RBPMS: variants seen among roughly 807,000 people sequenced by gnomAD.
RBPMS encodes the protein RNA binding protein, mRNA processing factor.
RBPMS carries 7 observed loss-of-function variants against 26.8 expected under a neutral mutation model. That is an observed-to-expected ratio of 0.26 (90% CI 0.15 to 0.49). RBPMS has a LOEUF of 0.49. Among genes scored for constraint, RBPMS ranks in the 20% least tolerant of loss-of-function variants. The pLI is 0.98. For synonymous variants in RBPMS, 96 were observed against 93.3 expected, an observed-to-expected ratio of 1.03 and a Z score of -0.17; for missense variants, 186 against 250.0, an observed-to-expected ratio of 0.74 and a Z score of 1.73.
At chr8:30,515,179 C>T (rs536246245) in intron 5 of RBPMS, among the ~76,000 whole-genome samples, 1 of 152,068 alleles carries the variant, frequency 6.6e-6, no homozygotes, top group African/African-American at 2.4e-5. Flanking sequence ...GCTTTGTTGC[C>T]CAGGCTGGTA....
chr8:30,565,335 TGCCAGCTGA>T (rs1827815322), intron 7 of RBPMS: 1 of 152,144 alleles, frequency 6.6e-6, no homozygotes, highest in African/African-American at 2.4e-5. Flanking sequence ...CACTCGGAGG[TGCCAGCTGA>T]GCCAGTGCCA....
At chr8:30,511,750 G>C (rs1821740547) in intron 5 of RBPMS, among the ~76,000 whole-genome samples, 1 of 151,480 alleles carries the variant, frequency 6.6e-6, no homozygotes, top group South Asian at 2.1e-4. Context: ...CTTGAACCCG[G>C]GAGGCCGAGG....
chr8:30,496,641 A>G (rs988594071), intron 4 of RBPMS, among the ~76,000 whole-genome samples: 6 of 152,236 alleles, frequency 3.9e-5, no homozygotes, highest in Admixed American at 2.6e-4. Flanking sequence ...CCAGTTCTCT[A>G]CTAGCTTCCC....
chr8:30,391,161 G>A (rs781561195), intron 1 of RBPMS, among the ~76,000 whole-genome samples: 28 of 152,090 alleles, frequency 1.8e-4, no homozygotes, highest in Non-Finnish European at 2.8e-4. Flanking sequence ...GCACAGGTGA[G>A]CCTGCCTGGT....
At chr8:30,522,324 AAACAACAAC>A (rs144638380) in intron 5 of RBPMS, among the ~76,000 whole-genome samples, 5,094 of 151,006 alleles carry the variant, frequency 0.034, 296 homozygotes, top group African/African-American at 0.12. Context: ...CTCCACCTCA[AAACAACAAC>A]AACAACAACA....
intron 5 of RBPMS, among the ~76,000 whole-genome samples, chr8:30,530,662 A>G (rs1295447788): frequency 6.6e-6 from 1 of 152,002 alleles, no homozygotes; most frequent in African/African-American, 2.4e-5. Flanking sequence ...GGGTTTCTCC[A>G]GGTTGGTCAG....
chr8:30,537,057 G>C (rs1824874807), intron 5 of RBPMS, among the ~76,000 whole-genome samples: 2 of 152,192 alleles, frequency 1.3e-5, no homozygotes, highest in African/African-American at 4.8e-5. Context: ...CCCAGCAGCT[G>C]CAGGTCATAG....
At chr8:30,494,101 C>T (rs1819675732) in intron 4 of RBPMS, among the ~76,000 whole-genome samples, 1 of 152,160 alleles carries the variant, frequency 6.6e-6, no homozygotes, top group Admixed American at 6.5e-5. Context: ...AGCCAGGCCT[C>T]TAAGATCTAC....
intron 5 of RBPMS, among the ~76,000 whole-genome samples, chr8:30,526,632 G>A (rs1230175233): frequency 6.6e-6 from 1 of 152,170 alleles, no homozygotes; most frequent in African/African-American, 2.4e-5. Flanking sequence ...CCTTGATTTA[G>A]ATGAATTACA....
intron 1 of RBPMS, among the ~76,000 whole-genome samples, chr8:30,472,324 T>C (rs1316759702): frequency 2.0e-5 from 3 of 152,210 alleles, no homozygotes; most frequent in Non-Finnish European, 4.4e-5. Flanking sequence ...ACATACTCTG[T>C]GGTTCCCTCT....
chr8:30,454,253 C>T (rs921029378), intron 1 of RBPMS, among the ~76,000 whole-genome samples: 21 of 152,242 alleles, frequency 1.4e-4, no homozygotes, highest in African/African-American at 3.6e-4. Context: ...ACTTGATTAA[C>T]GAGTATTAAC....
chr8:30,502,595 T>G (rs749876928), intron 4 of RBPMS, among the ~76,000 whole-genome samples: 1 of 152,080 alleles, frequency 6.6e-6, no homozygotes, highest in South Asian at 2.1e-4. Context: ...TCTGATGGAG[T>G]GTGGTGCAAA....
At chr8:30,469,005 C>G (rs1816809545) in intron 1 of RBPMS, among the ~76,000 whole-genome samples, 1 of 152,196 alleles carries the variant, frequency 6.6e-6, no homozygotes, top group South Asian at 2.1e-4. Flanking sequence ...CTCAGAGCAG[C>G]TAGATAGATG....
intron 6 of RBPMS, chr8:30,553,261 T>G (rs948107871): frequency 5.3e-5 from 8 of 152,236 alleles, no homozygotes; most frequent in Non-Finnish European, 1.2e-4. Flanking sequence ...CCTCATTTCA[T>G]GCAGCAGCGA....
intron 1 of RBPMS, among the ~76,000 whole-genome samples, chr8:30,408,861 C>T (rs947752004): frequency 6.6e-6 from 1 of 152,194 alleles, no homozygotes; most frequent in Non-Finnish European, 1.5e-5. Flanking sequence ...TCACCATTTC[C>T]TCCTCTCCCT....
At chr8:30,566,007 C>T (rs894511874) in intron 7 of RBPMS, 2 of 152,594 alleles carry the variant, frequency 1.3e-5, no homozygotes, top group African/African-American at 4.8e-5. Flanking sequence ...TCGCTGGCCC[C>T]CAGAAGCCTC....
intron 1 of RBPMS, among the ~76,000 whole-genome samples, chr8:30,418,897 C>T (rs559287271): frequency 5.3e-5 from 8 of 151,994 alleles, no homozygotes; most frequent in South Asian, 2.1e-4. Flanking sequence ...ACATGAGTAC[C>T]GCTCCTGGCC....
chr8:30,465,567 A>G (rs1477127271), intron 1 of RBPMS, among the ~76,000 whole-genome samples: 2 of 152,244 alleles, frequency 1.3e-5, no homozygotes, highest in African/African-American at 4.8e-5. Context: ...CAGGTGGATT[A>G]CCTGAGGTCA....
rs1554509328 is a variant in RBPMS at position 30,419,450 on chromosome 8, A to ATTG, written c.66+34293_66+34294insTGT. Reference sequence around the variant, plus strand: ...GACAGAGTGAGATTGCATCTCAAAAATGTGTGTGTGTGTGTGTGTGTGTGT... The same window carrying ATTG: ...GACAGAGTGAGATTGCATCTCAAAAATTGTGTGTGTGTGTGTGTGTGTGTGTGT... On this transcript the variant is annotated intron_variant, in intron 1 of 8. Transcript: ENST00000397323. Among the ~76,000 whole-genome samples, 43 of 143,176 alleles carry ATTG rather than the reference A, an allele frequency of 3.0e-4. 1 individual carries two copies. Among genetic ancestry groups the ATTG allele is most frequent in the Non-Finnish European group, 2.7e-4 (18 of 66,340 alleles). The allele number at this position is 143,176 out of a possible 152,430, so 93.9% of individuals were successfully genotyped here. A position where few individuals can be genotyped will look rare whatever the true frequency, so the allele number is the denominator to read the frequency against.
Sources: allele counts gnomAD v4.1 joint callset (sites outside exome capture counted in the v4.1 genomes callset), GRCh38; gene constraint gnomAD v4.1.1; transcripts MANE v1.5; gene names NCBI Gene and HGNC (gene_info 2026-07-23, HGNC 2026-07-21).